Variants in SUFU observed in about 807,000 individuals in gnomAD.
SUFU encodes SUFU negative regulator of hedgehog signaling, also known as suppressor of fused homolog.
A neutral mutation model predicts 58.9 loss-of-function variants in SUFU; 7 were observed. The observed-to-expected ratio is 0.12, with a 90% CI of 0.07 to 0.22. The LOEUF (loss-of-function observed/expected upper bound fraction) is 0.22, where lower values mean the gene tolerates loss of function less well. SUFU is among the 10% of genes least tolerant of loss of function. The pLI is 1.00. For missense variants in SUFU, 451 were observed against 641.3 expected (o/e 0.70, Z 3.20); for synonymous variants, 232 against 254.8 (o/e 0.91, Z 0.85).
At position 102,617,366 on chromosome 10, in the gene SUFU, G is replaced by A. The variant is rs2135935234; in HGVS notation, c.1234G>A (p.Gly412Arg). The A allele has an allele frequency of 6.2e-7, 1 of 1,614,234 alleles. No homozygotes were observed. Among genetic ancestry groups the A allele is most frequent in the South Asian group, 1.1e-5 (1 of 91,082 alleles). ...CATGGCCATCACGTTTGTCTCCACG[G>A]GAGTGGAAGGCGCCTTTGCCACTGA... Reference protein sequence around the residue: ...GDMAITFVSTGVEGAFATEEH... With the variant: ...GDMAITFVSTRVEGAFATEEH... Residue 412 changes from glycine to arginine, a missense_variant, in exon 10 of 12, where the codon GGA (glycine) becomes AGA (arginine). Physicochemically the swap from Gly to Arg is moderately radical, Grantham distance 125. Coordinates refer to ENST00000369902, the MANE Select transcript of SUFU (RefSeq NM_016169.4). This position sits in a 1 kb window ranked among gnomAD's most constrained non-coding sequence, Gnocchi z 4.4.
At chr10:102,545,185 T>C (rs1177821817) in intron 2 of SUFU, among the ~76,000 whole-genome samples, 1 of 151,972 alleles carries the variant, frequency 6.6e-6, no homozygotes, top group African/African-American at 2.4e-5. Context: ...CAAGGCTCAC[T>C]GCTGCCTTGA....
intron 8 of SUFU, among the ~76,000 whole-genome samples, chr10:102,605,050 C>G (rs2063549932): frequency 6.7e-6 from 1 of 150,346 alleles, no homozygotes; most frequent in South Asian, 2.1e-4. Flanking sequence ...TCCTGAGTAG[C>G]TGGGATTATA....
In SUFU at chr10:102,619,955, A is replaced by C. The variant is rs2063726146; in HGVS notation, c.1296+2527A>C. On this transcript the variant is annotated intron_variant, in intron 10 of 11. Coordinates refer to ENST00000369902, the MANE Select transcript of SUFU (RefSeq NM_016169.4). This position sits in a 1 kb window ranked among gnomAD's most constrained non-coding sequence, Gnocchi z 4.2. ...TCCCTCAGGAGGGGACCCCAGCACA[A>C]AGAGGCCCACCCTTGCTCCCTGCAG... Among the ~76,000 whole-genome samples the C allele has an allele frequency of 6.6e-6, 1 of 152,052 alleles. No individual in the cohort carries two copies. The highest frequency in any genetic ancestry group is 1.5e-5 in the Non-Finnish European group (1 of 67,994).
intron 8 of SUFU, among the ~76,000 whole-genome samples, chr10:102,605,096 T>G (rs1017337601): frequency 4.6e-5 from 7 of 151,998 alleles, no homozygotes; most frequent in African/African-American, 7.2e-5. Context: ...TTTTTGTATT[T>G]TTAGTACAGA....
intron 2 of SUFU, among the ~76,000 whole-genome samples, chr10:102,528,939 G>A (rs181894400): frequency 5.3e-5 from 8 of 149,782 alleles, no homozygotes; most frequent in African/African-American, 9.8e-5. Context: ...TGCAGTCTTC[G>A]CTGATGTGGC....
At chr10:102,523,800 A>G (rs1052456089) in intron 2 of SUFU, among the ~76,000 whole-genome samples, 2 of 152,226 alleles carry the variant, frequency 1.3e-5, no homozygotes, top group African/African-American at 2.4e-5. Context: ...CATCTCATGA[A>G]TCATGCTCAG....
chr10:102,563,980 C>T (rs2063064400), intron 3 of SUFU, among the ~76,000 whole-genome samples: 1 of 152,114 alleles, frequency 6.6e-6, no homozygotes, highest in Admixed American at 6.5e-5. Flanking sequence ...CCTGCTCTAT[C>T]CTGAGGCTCT....
intron 3 of SUFU, among the ~76,000 whole-genome samples, chr10:102,574,766 A>T (rs1054938671): frequency 6.6e-5 from 10 of 152,338 alleles, no homozygotes; most frequent in African/African-American, 2.2e-4. Flanking sequence ...GTCACTAAAA[A>T]AGCCTTGAAA....
intron 8 of SUFU, among the ~76,000 whole-genome samples, chr10:102,602,141 C>G (rs986363557): frequency 2.6e-5 from 4 of 152,176 alleles, no homozygotes; most frequent in Non-Finnish European, 5.9e-5. Context: ...TATGTGCTGC[C>G]ATTCATTTAT....
rs1371186442 is a variant in SUFU at position 102,632,186 on chromosome 10, G to C, written c.*2031G>C. 1.3e-5 allele frequency: 3 copies of C among 233,218 alleles called. No individual in the cohort carries two copies. Among genetic ancestry groups the C allele is most frequent in the African/African-American group, 2.2e-5 (1 of 45,324 alleles). The allele number at this position is 233,218 out of a possible 1,614,324, so 14.4% of individuals were successfully genotyped here. ...TGGGTGGGGATGGGGCATTTTCTGA[G>C]CTAAGCTTTGTCATTAGTTTGTGAA... On this transcript the variant is annotated 3_prime_UTR_variant, in exon 12 of 12. Coordinates refer to ENST00000369902, the MANE Select transcript of SUFU (RefSeq NM_016169.4).
rs1184765478 is a variant in SUFU at position 102,628,263 on chromosome 10, T to G, written c.1365+1020T>G. On this transcript the variant is annotated intron_variant, in intron 11 of 11. Transcript: ENST00000369902. This position sits in a 1 kb window ranked among gnomAD's most constrained non-coding sequence, Gnocchi z 4.5. The stretch of plus-strand genomic sequence containing the variant: ...CTGGTGTTTAGGAAGCTGAGGGGAG[T>G]GCACAGGGCGGGACCGTCCAGTCCA... 6.6e-6 allele frequency among the ~76,000 whole-genome samples: 1 copy of G among 151,774 alleles called. No individual in the cohort carries two copies. The highest frequency in any genetic ancestry group is 1.5e-5 in the Non-Finnish European group (1 of 67,898).
rs571107271 is a variant in SUFU at position 102,526,965 on chromosome 10, C to T, written c.317+17662C>T. Among the ~76,000 whole-genome samples the T allele has an allele frequency of 5.2e-4, 78 of 148,824 alleles. No individual in the cohort carries two copies. In the South Asian group the frequency reaches 5.5e-3, roughly 11 times the overall value. ...TTTGAAGACAATGTAAAGAATGTGA[C>T]ATTCAATAAATTATAATTATTATTA... On this transcript the variant is annotated intron_variant, in intron 2 of 11. Transcript: ENST00000369902.
At chr10:102,534,629 G>A (rs1402848427) in intron 2 of SUFU, among the ~76,000 whole-genome samples, 1 of 152,234 alleles carries the variant, frequency 6.6e-6, no homozygotes, top group Non-Finnish European at 1.5e-5. Context: ...TAGTCCTGGG[G>A]CATCATGGGG....
intron 2 of SUFU, among the ~76,000 whole-genome samples, chr10:102,521,316 A>G (rs754929868): frequency 3.9e-5 from 6 of 152,066 alleles, no homozygotes; most frequent in Admixed American, 1.3e-4. Context: ...GCCACTCCCC[A>G]TTCTACCTCT....
chr10:102,568,857 A>C (rs1394062729), intron 3 of SUFU, among the ~76,000 whole-genome samples: 1 of 129,512 alleles, frequency 7.7e-6, no homozygotes, highest in Admixed American at 8.3e-5. Context: ...CTGGGCGACA[A>C]GAGCAAAACT....
chr10:102,581,880 G>A (rs2063284178), intron 3 of SUFU, among the ~76,000 whole-genome samples: 1 of 152,190 alleles, frequency 6.6e-6, no homozygotes, highest in Admixed American at 6.5e-5. Flanking sequence ...TTTCTTGAGA[G>A]ATTATGATGG....
intron 2 of SUFU, among the ~76,000 whole-genome samples, chr10:102,535,753 A>C (rs1035375524): frequency 6.6e-6 from 1 of 152,264 alleles, no homozygotes; most frequent in Non-Finnish European, 1.5e-5. Context: ...GACCAATGGA[A>C]GCATCCAGGC....
chr10:102,576,784 T>G (rs1489675383), intron 3 of SUFU, among the ~76,000 whole-genome samples: 1 of 152,192 alleles, frequency 6.6e-6, no homozygotes, highest in African/African-American at 2.4e-5. Flanking sequence ...TATAGCTCAC[T>G]GTAACCTGGA....
At chr10:102,563,018 T>A (rs909181888) in intron 3 of SUFU, among the ~76,000 whole-genome samples, 4 of 152,128 alleles carry the variant, frequency 2.6e-5, no homozygotes, top group African/African-American at 9.7e-5. Flanking sequence ...GATGAGGCGA[T>A]AGGGAGGTGA....
Sources: allele counts gnomAD v4.1 joint callset (sites outside exome capture counted in the v4.1 genomes callset), GRCh38; gene constraint gnomAD v4.1.1; non-coding constraint Gnocchi (gnomAD v3.1); transcripts MANE v1.5; gene names NCBI Gene and HGNC (gene_info 2026-07-23, HGNC 2026-07-21).